Variants in SMARCAD1 observed in about 807,000 individuals in gnomAD.
SMARCAD1 encodes the protein SWI/SNF-related matrix-associated actin-dependent regulator of chromatin subfamily A containing DEAD/H box 1.
In SMARCAD1, 25 loss-of-function variants were observed where a neutral mutation model predicts 127.1. The observed-to-expected ratio is 0.20, with a 90% CI of 0.14 to 0.27. SMARCAD1 has a LOEUF of 0.27. Ranked by LOEUF, SMARCAD1 falls within the 10% of genes least tolerant of loss-of-function variation. The pLI is 1.00. For missense variants in SMARCAD1, 807 were observed against 1,206.0 expected (o/e 0.67, Z 4.90); for synonymous variants, 400 against 396.9 (o/e 1.01, Z -0.09).
At chr4:94,276,086 C>T (rs1053914782) in intron 14 of SMARCAD1, among the ~76,000 whole-genome samples, 4 of 152,022 alleles carry the variant, frequency 2.6e-5, no homozygotes, top group Admixed American at 6.6e-5. Flanking sequence ...TGTGAGCCAC[C>T]GCTCCCAGCC....
intron 10 of SMARCAD1, among the ~76,000 whole-genome samples, chr4:94,267,418 C>G (rs1384222689): frequency 4.6e-5 from 7 of 152,152 alleles, no homozygotes; most frequent in Admixed American, 3.9e-4. Context: ...AACCTGTTTT[C>G]TATGAACTGC....
intron 2 of SMARCAD1, among the ~76,000 whole-genome samples, chr4:94,220,440 G>T (rs961401448): frequency 1.3e-5 from 2 of 152,020 alleles, no homozygotes; most frequent in Admixed American, 6.6e-5. Flanking sequence ...TAGACACAGG[G>T]TTTCACCACA....
rs531279827 is a variant in SMARCAD1, at chr4:94,287,558, T to G, written c.3020-1915T>G. Among the ~76,000 whole-genome samples the G allele has an allele frequency of 1.6e-3, 243 of 152,272 alleles. 3 individuals carry two copies. The highest frequency in any genetic ancestry group is 1.8e-3 in the Non-Finnish European group (120 of 68,018). On this transcript the variant is annotated intron_variant, in intron 23 of 23. Transcript: ENST00000354268. ...GCAGGAGCAGCATCTCCTAAGAAAT[T>G]GGCAATTTGAAATGCAAATTCCCAA...
chr4:94,253,043 G>GA (rs1749518802), intron 9 of SMARCAD1, 36 bp downstream of exon 9: 1 of 1,604,760 alleles, frequency 6.2e-7, no homozygotes, highest in South Asian at 1.1e-5. Flanking sequence ...TTGTATGTGT[G>GA]TGTGTATTTA....
intron 8 of SMARCAD1, among the ~76,000 whole-genome samples, 179 bp from the exon 9 acceptor site, chr4:94,252,437 A>G (rs1007798823): frequency 6.6e-6 from 1 of 152,242 alleles, no homozygotes; most frequent in African/African-American, 2.4e-5. Flanking sequence ...TTTTGAAACA[A>G]TTGTTTAACT....
At chr4:94,281,619 AAAT>A in intron 21 of SMARCAD1, 29 bp downstream of exon 21, 1 of 1,307,416 alleles carries the variant, frequency 7.6e-7, no homozygotes, top group Non-Finnish European at 1.1e-6. Context: ...AGTTACAAAA[AAAT>A]AACTCATTTA....
chr4:94,224,771 C>T (rs1008436157), intron 2 of SMARCAD1, among the ~76,000 whole-genome samples: 1 of 152,080 alleles, frequency 6.6e-6, no homozygotes, highest in Non-Finnish European at 1.5e-5. Flanking sequence ...TCCTATATGA[C>T]TTTGGGCAAG....
chr4:94,211,974 AACATT>A (rs2125786539), intron 2 of SMARCAD1, among the ~76,000 whole-genome samples: 1 of 144,572 alleles, frequency 6.9e-6, no homozygotes, highest in South Asian at 2.1e-4. Context: ...ATCACTAGCT[AACATT>A]ACATTATATA....
chr4:94,277,181 C>T lies in SMARCAD1; in HGVS notation c.2082+22C>T, dbSNP rs780508663. On this transcript the variant is annotated intron_variant, in intron 16 of 23. Coordinates refer to ENST00000354268, the MANE Select transcript of SMARCAD1 (RefSeq NM_020159.5). ...GACAGTAAGCATAAATGCATATTTT[C>T]TCCCAAATATGTTATTTGTGTTTTA... 4.3e-6 allele frequency: 7 copies of T among 1,612,430 alleles called. No homozygotes were observed. The East Asian group carries it at 1.1e-4, about 26-fold the overall frequency.
At position 94,281,603 on chromosome 4, in the gene SMARCAD1, C is replaced by CAGCAA; in HGVS notation, c.2726+14_2726+15insGCAAA. 1 of 1,456,404 alleles carries CAGCAA rather than the reference C, an allele frequency of 6.9e-7. No individual in the cohort carries two copies. The highest frequency in any genetic ancestry group is 1.4e-5 in the African/African-American group (1 of 71,976). The allele number at this position is 1,456,404 out of a possible 1,614,324, so 90.2% of individuals were successfully genotyped here. A position where few individuals can be genotyped will look rare whatever the true frequency, so the allele number is the denominator to read the frequency against. ...AGATTTCTGAAAGGTTGGTATAATT[C>CAGCAA]ATGTTAGTTACAAAAAAATAACTCA... On this transcript the variant is annotated intron_variant, in intron 21 of 23. Transcript: ENST00000354268.
At position 94,290,360 on chromosome 4, in the gene SMARCAD1, C is replaced by T. The variant is rs1304295864; in HGVS notation, c.*826C>T. ...TCACTTCTGCTCCAATTCTCTTCCT[C>T]TCTAAATAGTAGTTTATTACTGCCA... On this transcript the variant is annotated 3_prime_UTR_variant, in exon 24 of 24. Coordinates refer to ENST00000354268, the MANE Select transcript of SMARCAD1 (RefSeq NM_020159.5). 1 of 454,374 alleles carries T rather than the reference C, an allele frequency of 2.2e-6. No individual in the cohort carries two copies. The highest frequency in any genetic ancestry group is 4.4e-6 in the Non-Finnish European group (1 of 226,770). The allele number at this position is 454,374 out of a possible 1,614,324, so 28.1% of individuals were successfully genotyped here. A position where few individuals can be genotyped will look rare whatever the true frequency, so the allele number is the denominator to read the frequency against.
At chr4:94,278,793 G>A (rs1192256888) in intron 18 of SMARCAD1, 60 bp downstream of exon 18, 8 of 1,598,178 alleles carry the variant, frequency 5.0e-6, no homozygotes, top group Non-Finnish European at 6.9e-6. Context: ...GATGCATTTT[G>A]TTTAGTCATA....
At chr4:94,249,865 T>C in intron 7 of SMARCAD1, 110 bp downstream of exon 7, 1 of 688,382 alleles carries the variant, frequency 1.5e-6, no homozygotes, top group Non-Finnish European at 2.6e-6. Flanking sequence ...TGTATTCTTC[T>C]AATTAAATGT....
chr4:94,213,103 A>G, intron 2 of SMARCAD1: 1 of 1,288,174 alleles, frequency 7.8e-7, no homozygotes, highest in Non-Finnish European at 1.0e-6. Context: ...TTATGAATAA[A>G]GAATAAAAAT....
In SMARCAD1 at chr4:94,278,711, G is replaced by GA. The variant is rs1753624562; in HGVS notation, c.2280dup (p.Ser761IlefsTer4). The GA allele has an allele frequency of 6.2e-7, 1 of 1,613,844 alleles. No individual in the cohort carries two copies. Among genetic ancestry groups the GA allele is most frequent in the Non-Finnish European group, 8.5e-7 (1 of 1,179,898 alleles). On this transcript the variant is annotated frameshift_variant, in exon 18 of 24. Transcript: ENST00000354268. LOFTEE classifies it high-confidence loss of function. ...TCTATTTGGGTCTTTTCAACAGATTGAAAAAATCTATCAATAACTTGGGTA... is the reference window on the plus strand; with the variant it reads ...TCTATTTGGGTCTTTTCAACAGATTGAAAAAAATCTATCAATAACTTGGGTA...
chr4:94,268,267 C>T (rs957210039), intron 10 of SMARCAD1, among the ~76,000 whole-genome samples: 33 of 152,012 alleles, frequency 2.2e-4, no homozygotes, highest in African/African-American at 8.0e-4. Context: ...TTTAAATTTC[C>T]TCATCACTTT....
At chr4:94,212,090 C>G (rs4693375) in intron 2 of SMARCAD1, among the ~76,000 whole-genome samples, 1 of 151,962 alleles carries the variant, frequency 6.6e-6, no homozygotes, top group South Asian at 2.1e-4. Flanking sequence ...ACTGGCTTGT[C>G]GTAGGCCCTC....
intron 6 of SMARCAD1, 22 bp from the exon 7 acceptor site, chr4:94,249,632 C>CT (rs765320730): frequency 9.9e-3 from 10,952 of 1,109,816 alleles, no homozygotes; most frequent in Non-Finnish European, 0.012. Flanking sequence ...AAATTGTTTT[C>CT]TTTTTTTTTT....
rs1328186886 is a variant in SMARCAD1, at chr4:94,253,361, C to T, written c.1281+354C>T. On this transcript the variant is annotated intron_variant, in intron 9 of 23. Transcript: ENST00000354268. ...CTGTTCTGATCTGTTACTGCTGAGA[C>T]ACCATGCAGAAAGCAAGAATGTGGC... 4 of 1,298,768 alleles carry T rather than the reference C, an allele frequency of 3.1e-6. No individual in the cohort carries two copies. In the Admixed American group the frequency reaches 9.8e-5, roughly 32 times the overall value. 80.5% of individuals were successfully genotyped at this position (1,298,768 alleles called of 1,614,324 possible). A position where few individuals can be genotyped will look rare whatever the true frequency, so the allele number is the denominator to read the frequency against.
Sources: gnomAD v4.1 joint callset for allele counts (sites outside exome capture counted in the v4.1 genomes callset) on GRCh38, gnomAD v4.1.1 for gene constraint, MANE v1.5 for transcripts, NCBI Gene and HGNC (gene_info 2026-07-23, HGNC 2026-07-21) for gene names.